SGCG: variants seen among roughly 807,000 people sequenced by gnomAD.
The protein encoded by SGCG is gamma-sarcoglycan.
A neutral mutation model predicts 29.3 loss-of-function variants in SGCG; 26 were observed. The observed-to-expected ratio is 0.89, with a 90% CI of 0.65 to 1.23. SGCG has a LOEUF of 1.23. Among genes scored for constraint, SGCG ranks in the 50% most tolerant of loss-of-function variants. The probability of loss-of-function intolerance (pLI) is 0.00; values close to 1 mark genes in which losing one functional copy is unlikely to be tolerated. For missense variants in SGCG, 353 were observed against 356.0 expected, an observed-to-expected ratio of 0.99 and a Z score of 0.07; for synonymous variants, 145 against 129.7, an observed-to-expected ratio of 1.12 and a Z score of -0.80.
chr13:23,235,881 G>A (rs561589392), intron 3 of SGCG, among the ~76,000 whole-genome samples: 1 of 152,226 alleles, frequency 6.6e-6, no homozygotes, highest in African/African-American at 2.4e-5. Context: ...ATGAGGTCTT[G>A]TTAGAGACAT....
At chr13:23,197,542 C>T (rs559484927) in intron 1 of SGCG, among the ~76,000 whole-genome samples, 5 of 152,288 alleles carry the variant, frequency 3.3e-5, no homozygotes, top group South Asian at 4.1e-4. Flanking sequence ...AGAATGCCAT[C>T]GCTAACACTC....
At position 23,234,656 on chromosome 13, in the gene SGCG, G is replaced by A; in HGVS notation, c.241G>A (p.Glu81Lys). Residue 81 changes from glutamate (E) to lysine (K), a missense_variant, in exon 3 of 8, where the codon GAA becomes AAA. By Grantham distance (56) the Glu-to-Lys change is moderately conservative (BLOSUM62 1). Transcript: ENST00000218867. Reference sequence around the variant, plus strand: ...TGTAACAAAAGATGGACTGCGCTTGGAAGGGGAATCAGAATTTTTATTCCC... The same window carrying A: ...TGTAACAAAAGATGGACTGCGCTTGAAAGGGGAATCAGAATTTTTATTCCC... ...LCVTKDGLRLEGESEFLFPLY... is the reference protein window; with the variant it reads ...LCVTKDGLRLKGESEFLFPLY... The A allele has an allele frequency of 3.1e-6, 5 of 1,613,230 alleles. No individual in the cohort carries two copies. The highest frequency in any genetic ancestry group is 4.2e-6 in the Non-Finnish European group (5 of 1,179,388).
At chr13:23,229,570 T>A (rs1879028300) in intron 2 of SGCG, among the ~76,000 whole-genome samples, 1 of 149,352 alleles carries the variant, frequency 6.7e-6, no homozygotes, top group Non-Finnish European at 1.5e-5. Context: ...CATGTGCTTT[T>A]TGACCACATG....
chr13:23,262,350 A>G (rs566101816), intron 4 of SGCG, among the ~76,000 whole-genome samples: 8 of 152,146 alleles, frequency 5.3e-5, no homozygotes, highest in African/African-American at 1.9e-4. Flanking sequence ...GAGAATGAGT[A>G]GCTATTCTTA....
At chr13:23,277,658 C>CA (rs1011069764) in intron 4 of SGCG, among the ~76,000 whole-genome samples, 1 of 145,972 alleles carries the variant, frequency 6.9e-6, no homozygotes, top group Non-Finnish European at 1.5e-5. Context: ...GGGACACACA[C>CA]AAAAAAAATT....
At chr13:23,246,083 G>C (rs1879698919) in intron 3 of SGCG, 1 of 151,342 alleles carries the variant, frequency 6.6e-6, no homozygotes, top group African/African-American at 2.5e-5. Context: ...AGCAGCTTCA[G>C]CAGCAGCAGC....
At chr13:23,246,822 T>G in intron 3 of SGCG, 1 of 181,674 alleles carries the variant, frequency 5.5e-6, no homozygotes, top group Non-Finnish European at 1.2e-5. Context: ...ACTGGGCATC[T>G]TGAAAAAATA....
At chr13:23,161,324 A>C in the SGCG span, among the ~76,000 whole-genome samples, 1 of 152,184 alleles carries the variant, frequency 6.6e-6, no homozygotes, top group Non-Finnish European at 1.5e-5. Context: ...GAGTATTCTG[A>C]TGTTTCTGAA....
chr13:23,200,061 T>G (rs1222702230), intron 1 of SGCG, among the ~76,000 whole-genome samples: 1 of 152,236 alleles, frequency 6.6e-6, no homozygotes, highest in Admixed American at 6.5e-5. Context: ...TAACTCATTA[T>G]AAAAAGTTGA....
At chr13:23,179,568 T>C (rs892447775), upstream of SGCG, among the ~76,000 whole-genome samples, 1 of 152,224 alleles carries the variant, frequency 6.6e-6, no homozygotes, top group Non-Finnish European at 1.5e-5. Context: ...ATCATTATTG[T>C]TTAATATATT....
Position 23,193,727 on chromosome 13 carries a change from T to C in SGCG, c.1-9968T>C, listed in dbSNP as rs747334346. Among the ~76,000 whole-genome samples, 48 of 152,056 alleles carry C rather than the reference T, an allele frequency of 3.2e-4. 1 individual carries two copies. Among genetic ancestry groups the C allele is most frequent in the Middle Eastern group, 3.5e-3 (1 of 286 alleles). On this transcript the variant is annotated intron_variant, in intron 1 of 7. Transcript: ENST00000218867. ...CAAACAGGCAATTATCAGATTAGAG[T>C]AGAGAGTTCAGAGATATTTTAGGTA...
At chr13:23,295,825 A>G (rs750362132) in intron 6 of SGCG, among the ~76,000 whole-genome samples, 4 of 152,166 alleles carry the variant, frequency 2.6e-5, no homozygotes, top group African/African-American at 4.8e-5. Context: ...CCATAGGAAA[A>G]TCCTAAGTGC....
intron 2 of SGCG, among the ~76,000 whole-genome samples, chr13:23,206,978 A>G (rs1217618179): frequency 2.0e-5 from 3 of 152,234 alleles, no homozygotes; most frequent in African/African-American, 4.8e-5. Flanking sequence ...CCAAAAATTC[A>G]TGTGGAACCA....
Position 23,271,413 on chromosome 13 carries a change from A to T in SGCG, c.386-7946A>T, listed in dbSNP as rs550576002. ...ATACACTAATGATAGCTGATGAGCT[A>T]AAAAAAAAATTGCAAATTAATCTCA... On this transcript the variant is annotated intron_variant, in intron 4 of 7. Coordinates refer to ENST00000218867, the MANE Select transcript of SGCG (RefSeq NM_000231.3). Among the ~76,000 whole-genome samples the T allele has an allele frequency of 5.2e-3, 583 of 111,720 alleles. 4 individuals are homozygous for T. The highest frequency in any genetic ancestry group is 0.021 in the African/African-American group (547 of 25,700). The allele number at this position is 111,720 out of a possible 152,430, so 73.3% of individuals were successfully genotyped here.
intron 4 of SGCG, among the ~76,000 whole-genome samples, chr13:23,255,650 G>A (rs1041212244): frequency 1.3e-5 from 2 of 152,132 alleles, no homozygotes; most frequent in South Asian, 4.1e-4. Flanking sequence ...TTGGTTTAGT[G>A]CCATCCCCTT....
At position 23,324,971 on chromosome 13, in the gene SGCG, C is replaced by T. The variant is rs944417351; in HGVS notation, c.*430C>T. 2 of 207,266 alleles carry T rather than the reference C, an allele frequency of 9.6e-6. No homozygotes were observed. The highest frequency in any genetic ancestry group is 8.5e-5 in the South Asian group (1 of 11,738). The allele number at this position is 207,266 out of a possible 1,614,324, so 12.8% of individuals were successfully genotyped here. On this transcript the variant is annotated 3_prime_UTR_variant, in exon 8 of 8. Transcript: ENST00000218867. ...TGCCCCAAAGTTCTATACAGCATTT[C>T]CTTTATAGCATTCAAACCTCACATC...
intron 2 of SGCG, among the ~76,000 whole-genome samples, chr13:23,229,948 GTTGA>G (rs967681043): frequency 1.6e-4 from 25 of 152,194 alleles, no homozygotes; most frequent in Non-Finnish European, 2.6e-4. Context: ...TCCATCTTGA[GTTGA>G]TTTTTTTTAT....
chr13:23,324,322 G>A lies in SGCG; in HGVS notation c.703-46G>A, dbSNP rs369980849. ...GAGAATGGGGATTTGCTGCTGACCAGGGTGGCCCTTCCTTAACTCTTCGTC... is the reference window on the plus strand; with the variant it reads ...GAGAATGGGGATTTGCTGCTGACCAAGGTGGCCCTTCCTTAACTCTTCGTC... On this transcript the variant is annotated intron_variant, in intron 7 of 7. Transcript: ENST00000218867. 213 of 1,578,008 alleles carry A rather than the reference G, an allele frequency of 1.3e-4. 2 individuals carry two copies. Among genetic ancestry groups the A allele is most frequent in the South Asian group, 7.8e-4 (70 of 90,142 alleles).
intron 6 of SGCG, among the ~76,000 whole-genome samples, chr13:23,313,814 G>A (rs914268104): frequency 6.6e-6 from 1 of 152,180 alleles, no homozygotes; most frequent in Admixed American, 6.5e-5. Flanking sequence ...TGTTGGCAAA[G>A]GAGATTAACA....
Sources: gnomAD v4.1 joint callset for allele counts (sites outside exome capture counted in the v4.1 genomes callset) on GRCh38, gnomAD v4.1.1 for gene constraint, MANE v1.5 for transcripts, NCBI Gene and HGNC (gene_info 2026-07-23, HGNC 2026-07-21) for gene names.